The following RSRC1 variants were observed in gnomAD, a reference collection of about 807,000 sequenced individuals.
RSRC1 encodes arginine and serine rich coiled-coil 1, also known as serine/Arginine-related protein 53.
Under a neutral mutation model 49.1 loss-of-function variants are expected in RSRC1, and 39 were observed. The ratio of observed to expected loss-of-function variants is 0.79; its 90% CI spans 0.61 to 1.04. RSRC1 has a LOEUF of 1.04. Among genes scored for constraint, RSRC1 ranks in the 50% least tolerant of loss-of-function variants. RSRC1 has a pLI of 0.00. For synonymous variants in RSRC1, 143 were observed against 130.8 expected (o/e 1.09, Z -0.63); for missense variants, 388 against 402.4 (o/e 0.96, Z 0.31).
At chr3:158,446,431 T>G (rs1230401226) in intron 6 of RSRC1, among the ~76,000 whole-genome samples, 1 of 151,996 alleles carries the variant, frequency 6.6e-6, no homozygotes, top group Non-Finnish European at 1.5e-5. Context: ...AAGGTCTTGT[T>G]ATCATCAAAA....
At chr3:158,382,609 T>C (rs1732760200) in intron 6 of RSRC1, among the ~76,000 whole-genome samples, 1 of 152,090 alleles carries the variant, frequency 6.6e-6, no homozygotes, top group Admixed American at 6.6e-5. Context: ...TCTAATACTG[T>C]TAGGTGTGGC....
intron 4 of RSRC1, among the ~76,000 whole-genome samples, chr3:158,249,732 G>C (rs746588944): frequency 1.6e-4 from 24 of 151,988 alleles, no homozygotes; most frequent in Non-Finnish European, 2.6e-4. Context: ...TGGAGTACAT[G>C]AGATATTTTG....
chr3:158,349,859 A>G (rs1032217711), intron 5 of RSRC1, among the ~76,000 whole-genome samples: 4 of 151,426 alleles, frequency 2.6e-5, no homozygotes, highest in Non-Finnish European at 5.9e-5. Flanking sequence ...CACCAGGCCC[A>G]GCTAATTTTT....
intron 6 of RSRC1, among the ~76,000 whole-genome samples, chr3:158,401,435 A>G (rs1387899706): frequency 6.6e-6 from 1 of 152,030 alleles, no homozygotes; most frequent in African/African-American, 2.4e-5. Context: ...ATTTACTTAT[A>G]GATTGCGATA....
intron 3 of RSRC1, among the ~76,000 whole-genome samples, chr3:158,202,562 T>TTTTATATATATATCTATATATATATA (rs369404609): frequency 1.1e-5 from 1 of 92,024 alleles, no homozygotes; most frequent in African/African-American, 5.3e-5. Flanking sequence ...GTCTGGTAGA[T>TTTTATATATATATCTATATATATATA]TATATATATA....
At chr3:158,128,241 C>A (rs919174446) in intron 3 of RSRC1, among the ~76,000 whole-genome samples, 1 of 152,122 alleles carries the variant, frequency 6.6e-6, no homozygotes, top group Non-Finnish European at 1.5e-5. Flanking sequence ...TTCCCCAGTC[C>A]GTTACCCTAA....
intron 3 of RSRC1, among the ~76,000 whole-genome samples, chr3:158,140,410 G>T (rs1050828137): frequency 3.3e-5 from 5 of 152,152 alleles, no homozygotes; most frequent in African/African-American, 1.2e-4. Flanking sequence ...TTTCCGATAT[G>T]CACTCTGCTA....
At chr3:158,522,022 G>A (rs1157504527) in intron 7 of RSRC1, among the ~76,000 whole-genome samples, 1 of 151,924 alleles carries the variant, frequency 6.6e-6, no homozygotes, top group Non-Finnish European at 1.5e-5. Flanking sequence ...ATAAAGGGTA[G>A]GATCGTTATT....
intron 3 of RSRC1, among the ~76,000 whole-genome samples, chr3:158,160,046 A>T (rs993101445): frequency 1.3e-5 from 2 of 152,146 alleles, no homozygotes; most frequent in Non-Finnish European, 2.9e-5. Flanking sequence ...ATCTACTCAC[A>T]CTACATTTGA....
intron 6 of RSRC1, among the ~76,000 whole-genome samples, chr3:158,431,845 A>G (rs1428554956): frequency 2.6e-5 from 4 of 151,976 alleles, no homozygotes; most frequent in Non-Finnish European, 5.9e-5. Context: ...CCTCTGAAAT[A>G]TATCTTAGAT....
At chr3:158,415,569 A>G (rs1734698649) in intron 6 of RSRC1, among the ~76,000 whole-genome samples, 1 of 151,918 alleles carries the variant, frequency 6.6e-6, no homozygotes, top group Admixed American at 6.6e-5. Context: ...AAATAAGTCA[A>G]TATATGGTAA....
At chr3:158,465,007 C>T (rs1417344369) in intron 7 of RSRC1, among the ~76,000 whole-genome samples, 1 of 152,146 alleles carries the variant, frequency 6.6e-6, no homozygotes, top group Non-Finnish European at 1.5e-5. Context: ...GCCTTCCTCT[C>T]TGGAGCCTGC....
At chr3:158,477,080 TG>T (rs1738398562) in intron 7 of RSRC1, among the ~76,000 whole-genome samples, 1 of 152,104 alleles carries the variant, frequency 6.6e-6, no homozygotes, top group Non-Finnish European at 1.5e-5. Context: ...TGTGACTGAG[TG>T]ACTGCAGTTT....
In RSRC1 at chr3:158,370,728, T is replaced by G. The variant is rs563270991; in HGVS notation, c.583+15820T>G. On this transcript the variant is annotated intron_variant, in intron 6 of 9. Coordinates refer to ENST00000611884, the MANE Select transcript of RSRC1 (RefSeq NM_001271838.2). The stretch of plus-strand genomic sequence containing the variant: ...TTATATGGATGTTTGTGTACAAGTC[T>G]GTTGGAATACATGTTTTCGTTTATT... Among the ~76,000 whole-genome samples the G allele has an allele frequency of 1.2e-4, 19 of 152,034 alleles. 1 individual carries two copies. In the South Asian group the frequency reaches 3.7e-3, roughly 30 times the overall value.
intron 6 of RSRC1, among the ~76,000 whole-genome samples, chr3:158,373,036 T>A (rs1732164876): frequency 6.6e-6 from 1 of 151,858 alleles, no homozygotes; most frequent in South Asian, 2.1e-4. Flanking sequence ...TTTGAATAAT[T>A]TACTTGTATT....
chr3:158,290,305 C>G (rs1042380428), intron 4 of RSRC1, among the ~76,000 whole-genome samples: 2 of 152,096 alleles, frequency 1.3e-5, no homozygotes, highest in South Asian at 4.1e-4. Context: ...TGGAGTCTTG[C>G]TCTGTCTCCC....
chr3:158,191,102 C>G (rs921303562), intron 3 of RSRC1, among the ~76,000 whole-genome samples: 4 of 151,872 alleles, frequency 2.6e-5, no homozygotes, highest in African/African-American at 9.7e-5. Context: ...GATCCCTGAA[C>G]TTCAGCACCT....
rs1171416253 is a variant in RSRC1 at position 158,445,407 on chromosome 3, A to G, written c.584-15528A>G. 4.6e-5 allele frequency among the ~76,000 whole-genome samples: 7 copies of G among 152,218 alleles called. No individual in the cohort carries two copies. The East Asian group carries it at 1.2e-3, about 25-fold the overall frequency. On this transcript the variant is annotated intron_variant, in intron 6 of 9. Coordinates refer to ENST00000611884, the MANE Select transcript of RSRC1 (RefSeq NM_001271838.2). ...TTCTCAGCAAACTATCGCAAGGACA[A>G]AAAACCAAACACCACATGTTCTCAC...
chr3:158,270,844 C>T (rs182527182), intron 4 of RSRC1, among the ~76,000 whole-genome samples: 2 of 152,138 alleles, frequency 1.3e-5, no homozygotes, highest in African/African-American at 4.8e-5. Context: ...TAATGTAAAA[C>T]TTTCTGAACT....
Sources: allele counts gnomAD v4.1 joint callset (sites outside exome capture counted in the v4.1 genomes callset), GRCh38; gene constraint gnomAD v4.1.1; transcripts MANE v1.5; gene names NCBI Gene and HGNC (gene_info 2026-07-23, HGNC 2026-07-21).